Variants in CEP72 observed in about 807,000 individuals in gnomAD.
The protein encoded by CEP72 is centrosomal protein of 72 kDa.
Under a neutral mutation model 65.7 loss-of-function variants are expected in CEP72, and 78 were observed. The ratio of observed to expected loss-of-function variants is 1.19; its 90% CI spans 0.99 to 1.43. The LOEUF (loss-of-function observed/expected upper bound fraction) is 1.43, where lower values mean the gene tolerates loss of function less well. CEP72 is among the 40% of genes most tolerant of loss of function. The pLI, the probability that CEP72 is intolerant of heterozygous loss-of-function variation, is 0.00. For missense variants in CEP72, 914 were observed against 832.9 expected (o/e 1.10, Z -1.20); for synonymous variants, 358 against 351.7 (o/e 1.02, Z -0.20).
At chr5:666,085 T>C (rs1330708729) in exon 4 of CEP72, 2 of 1,612,302 alleles carry the variant, frequency 1.2e-6, no homozygotes, top group East Asian at 2.2e-5. Flanking sequence ...CAGCGCCTCC[T>C]GGAACTGCTC....
intron 3 of CEP72, among the ~76,000 whole-genome samples, chr5:621,964 G>C (rs1221132371): frequency 6.6e-6 from 1 of 152,222 alleles, no homozygotes; most frequent in Middle Eastern, 3.2e-3. Context: ...AGTAGAGATA[G>C]GGTTTTGCCA....
At position 624,787 on chromosome 5, in the gene CEP72, A is replaced by G. The variant is rs935545022; in HGVS notation, c.512+208A>G. Reference sequence around the variant, plus strand: ...TCCACATTCCTAGGAGTTATTTTTAATATCGAAACTGTTGATTAAGGTAAT... The same window carrying G: ...TCCACATTCCTAGGAGTTATTTTTAGTATCGAAACTGTTGATTAAGGTAAT... On this transcript the variant is annotated intron_variant, in intron 4 of 11. Coordinates refer to ENST00000264935, the MANE Select transcript of CEP72 (RefSeq NM_018140.4). This position sits in a 1 kb window ranked among gnomAD's most constrained non-coding sequence, Gnocchi z 4.7. Among the ~76,000 whole-genome samples, 14 of 152,178 alleles carry G rather than the reference A, an allele frequency of 9.2e-5. No homozygotes were observed. The highest frequency in any genetic ancestry group is 1.5e-4 in the Non-Finnish European group (10 of 68,038).
At chr5:666,440 C>G (rs1387747080) in intron 4 of CEP72, among the ~76,000 whole-genome samples, 1 of 152,254 alleles carries the variant, frequency 6.6e-6, no homozygotes, top group Non-Finnish European at 1.5e-5. Context: ...GGGGCCACCA[C>G]AGCCCCGCCC....
chr5:640,060 T>C (rs1003041243), intron 8 of CEP72, among the ~76,000 whole-genome samples: 11 of 152,200 alleles, frequency 7.2e-5, no homozygotes, highest in African/African-American at 2.4e-4. Flanking sequence ...ACTGTCCCAG[T>C]GTGGAGTTGC....
At chr5:675,486 G>GTGCAGTGTGGCCGGGGT in the CEP72 span, among the ~76,000 whole-genome samples, 1,483 of 141,444 alleles carry the variant, frequency 0.01, 63 homozygotes, top group African/African-American at 0.039. Context: ...GTGGCCAGGG[G>GTGCAGTGTGGCCGGGGT]TACATTGTGG....
At chr5:672,515 G>A in the CEP72 span, among the ~76,000 whole-genome samples, 36 of 152,242 alleles carry the variant, frequency 2.4e-4, no homozygotes, top group Non-Finnish European at 3.5e-4. Flanking sequence ...TCATCGGCTG[G>A]GTGCCCCCAC....
intron 1 of CEP72, among the ~76,000 whole-genome samples, chr5:613,630 G>T (rs1211439374): frequency 2.6e-5 from 4 of 152,208 alleles, no homozygotes; most frequent in Non-Finnish European, 5.9e-5. Context: ...GCCTCCCAAA[G>T]TGCTGGGATT....
intron 5 of CEP72, among the ~76,000 whole-genome samples, chr5:634,538 G>A (rs1262023680): frequency 6.6e-6 from 1 of 152,214 alleles, no homozygotes; most frequent in African/African-American, 2.4e-5. Flanking sequence ...TGTGGCAGCG[G>A]TGCTCGAGCC....
intron 7 of CEP72, 152 bp downstream of exon 7, chr5:637,970 C>T (rs1456817913): frequency 6.5e-6 from 5 of 768,602 alleles, no homozygotes; most frequent in Admixed American, 5.9e-5. Flanking sequence ...ATTACGCCTA[C>T]GGCACTGACC....
chr5:642,388 C>T (rs1738113710), intron 9 of CEP72: 4 of 985,336 alleles, frequency 4.1e-6, no homozygotes, highest in Non-Finnish European at 4.8e-6. Flanking sequence ...CACGTGTGGC[C>T]CCCCGTCTGG....
intron 1 of CEP72, chr5:663,094 G>T (rs1739729250): frequency 6.6e-6 from 1 of 151,030 alleles, no homozygotes; most frequent in South Asian, 2.1e-4. Flanking sequence ...CTGTGATTGG[G>T]CGATTCCGGT....
the CEP72 span, among the ~76,000 whole-genome samples, chr5:675,282 T>A: frequency 1.1e-4 from 3 of 26,176 alleles, no homozygotes; most frequent in African/African-American, 1.6e-4. Flanking sequence ...CCCAGGGGGT[T>A]CAGTGTGGCC....
downstream of CEP72, among the ~76,000 whole-genome samples, chr5:667,918 C>G (rs371054226): frequency 4.9e-3 from 203 of 41,150 alleles, 14 homozygotes; most frequent in East Asian, 0.024. Flanking sequence ...AGGGAAGTAC[C>G]GACAAGCACA....
At chr5:668,949 G>A (rs960216304), downstream of CEP72, among the ~76,000 whole-genome samples, 6 of 152,204 alleles carry the variant, frequency 3.9e-5, no homozygotes, top group Non-Finnish European at 7.3e-5. Flanking sequence ...ACCCCAAGGC[G>A]GATGCTGTGT....
Position 620,290 on chromosome 5 carries a change from CT to C in CEP72, c.403+33del, listed in dbSNP as rs748971602. ...GGCATCAGGCAGGGCCACGCTCATGCTTTTGTCCCCGTGGGGTATGGGAGTC... is the reference window on the plus strand; with the variant it reads ...GGCATCAGGCAGGGCCACGCTCATGCTTTGTCCCCGTGGGGTATGGGAGTC... On this transcript the variant is annotated intron_variant, in intron 3 of 11. Coordinates refer to ENST00000264935, the MANE Select transcript of CEP72 (RefSeq NM_018140.4). 37 of 1,596,806 alleles carry C rather than the reference CT, an allele frequency of 2.3e-5. 1 individual carries two copies. In the South Asian group the frequency reaches 4.1e-4, roughly 18 times the overall value.
chr5:673,466 G>C, the CEP72 span, among the ~76,000 whole-genome samples: 9 of 152,124 alleles, frequency 5.9e-5, no homozygotes, highest in East Asian at 1.6e-3. Context: ...GAATGGGGAG[G>C]GGGGGAGGTC....
intron 9 of CEP72, chr5:642,284 G>T (rs940387656): frequency 1.0e-6 from 1 of 984,174 alleles, no homozygotes; most frequent in African/African-American, 1.7e-5. Context: ...TCCTCTGGAA[G>T]CCTCTGTATT....
rs957044320 is a variant in CEP72, at chr5:653,341, A to T, written c.*188A>T. 7.1e-5 allele frequency: 37 copies of T among 524,742 alleles called. No individual in the cohort carries two copies. The highest frequency in any genetic ancestry group is 1.1e-4 in the Non-Finnish European group (33 of 305,912). 32.5% of individuals were successfully genotyped at this position (524,742 alleles called of 1,614,324 possible). On this transcript the variant is annotated 3_prime_UTR_variant, in exon 12 of 12. Coordinates refer to ENST00000264935, the MANE Select transcript of CEP72 (RefSeq NM_018140.4). ...CTAAAGCACCTCGTAAAATGATATG[A>T]TTACTCCAAGCCCTCTGCATGTTTT...
the CEP72 span, among the ~76,000 whole-genome samples, chr5:675,465 G>GGGCGTGCAGTGTGGCCA: frequency 2.2e-5 from 1 of 45,450 alleles, no homozygotes; most frequent in East Asian, 7.9e-4. Context: ...GTGCAGCACA[G>GGGCGTGCAGTGTGGCCA]GGGGTGCAGT....
Sources: gnomAD v4.1 joint callset for allele counts (sites outside exome capture counted in the v4.1 genomes callset) on GRCh38, gnomAD v4.1.1 for gene constraint, Gnocchi (gnomAD v3.1) non-coding constraint, MANE v1.5 for transcripts, NCBI Gene and HGNC (gene_info 2026-07-23, HGNC 2026-07-21) for gene names.